The following CHP1 variants were observed in gnomAD, a reference collection of about 807,000 sequenced individuals.
The protein encoded by CHP1 is calcineurin like EF-hand protein 1.
A neutral mutation model predicts 27.4 loss-of-function variants in CHP1; 11 were observed. The ratio of observed to expected loss-of-function variants is 0.40; its 90% confidence interval spans 0.25 to 0.67. The LOEUF is 0.67. Ranked by LOEUF, CHP1 falls within the 30% of genes least tolerant of loss-of-function variation. CHP1 has a pLI of 0.38. For missense variants in CHP1, 169 were observed against 251.3 expected, an observed-to-expected ratio of 0.67 and a Z score of 2.22; for synonymous variants, 89 against 87.4, an observed-to-expected ratio of 1.02 and a Z score of -0.10.
At chr15:41,246,695 C>G (rs2047336715) in intron 2 of CHP1, among the ~76,000 whole-genome samples, 1 of 138,376 alleles carries the variant, frequency 7.2e-6, no homozygotes, top group Non-Finnish European at 1.5e-5. Flanking sequence ...ATATCCTGAC[C>G]TCGTGATGCA....
intron 2 of CHP1, among the ~76,000 whole-genome samples, chr15:41,255,467 G>T (rs952202645): frequency 9.9e-5 from 15 of 152,180 alleles, no homozygotes; most frequent in African/African-American, 3.6e-4. Context: ...GAGGTCAGGA[G>T]TTCAAGACCA....
In CHP1 at chr15:41,262,860, A is replaced by G. The variant is rs1319044596; in HGVS notation, c.326A>G (p.Asn109Ser). 6.2e-7 allele frequency: 1 copy of G among 1,614,084 alleles called. No individual in the cohort carries two copies. Among genetic ancestry groups the G allele is most frequent in the Non-Finnish European group, 8.5e-7 (1 of 1,180,042 alleles). Reference sequence around the variant, plus strand: ...GATGTGAATGGACCCGAACCACTCAACAGCCGAAGCAACAAACTGCACTGT... The same window carrying G: ...GATGTGAATGGACCCGAACCACTCAGCAGCCGAAGCAACAAACTGCACTGT... ...SKDVNGPEPL[N>S]SRSNKLHFAF... Residue 109 changes from asparagine to serine, a missense_variant, in exon 4 of 7, where the codon AAC becomes AGC. Transcript: ENST00000334660.
In CHP1 at chr15:41,279,398, A is replaced by G; in HGVS notation, c.*9A>G. ...TCCGATTTCTTCACTAAAGGAGACC[A>G]AACTGTTCCTTGCGGTCTAGTATTT... On this transcript the variant is annotated 3_prime_UTR_variant, in exon 7 of 7. Transcript: ENST00000334660. 1 of 1,611,380 alleles carries G rather than the reference A, an allele frequency of 6.2e-7. No individual in the cohort carries two copies. The highest frequency in any genetic ancestry group is 8.5e-7 in the Non-Finnish European group (1 of 1,178,698).
chr15:41,278,922 C>T lies in CHP1; in HGVS notation c.534+33C>T, dbSNP rs150007408. 6.8e-6 allele frequency: 11 copies of T among 1,612,266 alleles called. No individual in the cohort carries two copies. In the East Asian group the frequency reaches 1.1e-4, roughly 16 times the overall value. On this transcript the variant is annotated intron_variant, in intron 6 of 6. Coordinates refer to ENST00000334660, the MANE Select transcript of CHP1 (RefSeq NM_007236.5). Reference sequence around the variant, plus strand: ...ACTTACTTCTTGTTTGAAAAAGTTACGTTTTAGTGGCTGGGCGCGGTGGCT... The same window carrying T: ...ACTTACTTCTTGTTTGAAAAAGTTATGTTTTAGTGGCTGGGCGCGGTGGCT...
chr15:41,245,325 G>A lies in CHP1; in HGVS notation c.140+1586G>A, dbSNP rs146815893. 6.4e-3 allele frequency among the ~76,000 whole-genome samples: 959 copies of A among 150,634 alleles called. 5 individuals are homozygous for A. Among genetic ancestry groups the A allele is most frequent in the Middle Eastern group, 0.031 (9 of 294 alleles). Reference sequence around the variant, plus strand: ...AAAATACAAAAATTAGCGTGGCGTGGTGGTGGGCGCCTGTGCGTGGTGGTG... The same window carrying A: ...AAAATACAAAAATTAGCGTGGCGTGATGGTGGGCGCCTGTGCGTGGTGGTG... On this transcript the variant is annotated intron_variant, in intron 2 of 6. Coordinates refer to ENST00000334660, the MANE Select transcript of CHP1 (RefSeq NM_007236.5).
chr15:41,239,443 G>A (rs761962052), intron 1 of CHP1, among the ~76,000 whole-genome samples: 6 of 151,438 alleles, frequency 4.0e-5, no homozygotes, highest in East Asian at 1.9e-4. Context: ...TCACTCTGTC[G>A]CCCAGGCTGG....
At chr15:41,242,296 T>G (rs2047310511) in intron 1 of CHP1, among the ~76,000 whole-genome samples, 1 of 152,172 alleles carries the variant, frequency 6.6e-6, no homozygotes, top group Non-Finnish European at 1.5e-5. Context: ...ATGCTTGGTG[T>G]AGGAGTAAAC....
rs764663720 is a variant in CHP1, at chr15:41,231,464, G to T, written c.67+15G>T. On this transcript the variant is annotated intron_variant, in intron 1 of 6. Transcript: ENST00000334660. ...GGAGACCGGCTGTGAGTTCGGGTTG[G>T]GGGTGGGAACGCCGGGCGCCTCAGG... is the stretch of plus-strand genomic sequence containing the variant. 2 of 1,595,556 alleles carry T rather than the reference G, an allele frequency of 1.3e-6. No individual in the cohort carries two copies. The highest frequency in any genetic ancestry group is 8.5e-7 in the Non-Finnish European group (1 of 1,172,564).
chr15:41,277,304 GACT>G (rs1486574225), intron 5 of CHP1, among the ~76,000 whole-genome samples: 8 of 152,144 alleles, frequency 5.3e-5, no homozygotes, highest in Admixed American at 3.3e-4. Flanking sequence ...TTACTGTTCT[GACT>G]ACTATATGCA....
intron 1 of CHP1, 93 bp downstream of exon 1, chr15:41,231,542 G>A: frequency 7.9e-7 from 1 of 1,261,934 alleles, no homozygotes; most frequent in Non-Finnish European, 1.1e-6. Flanking sequence ...TCGGGTGCCT[G>A]TGAGGTTGGG....
intron 2 of CHP1, among the ~76,000 whole-genome samples, chr15:41,245,923 C>T (rs1268429894): frequency 6.6e-6 from 1 of 151,930 alleles, no homozygotes; most frequent in Admixed American, 6.6e-5. Context: ...CTTGTAAGGG[C>T]TTTATGGTTT....
At chr15:41,238,665 C>T (rs555727151) in intron 1 of CHP1, among the ~76,000 whole-genome samples, 1 of 148,498 alleles carries the variant, frequency 6.7e-6, no homozygotes, top group African/African-American at 2.5e-5. Flanking sequence ...ACGGTGAAAC[C>T]TGGTCTCTAC....
At chr15:41,249,707 TG>T (rs1355112229) in intron 2 of CHP1, among the ~76,000 whole-genome samples, 1 of 151,832 alleles carries the variant, frequency 6.6e-6, no homozygotes, top group African/African-American at 2.4e-5. Flanking sequence ...CTCCTGACCT[TG>T]TGATCCACCT....
chr15:41,278,948 T>TA, intron 6 of CHP1, 59 bp downstream of exon 6: 1 of 1,602,904 alleles, frequency 6.2e-7, no homozygotes, highest in Non-Finnish European at 8.5e-7. Flanking sequence ...CGCGGTGGCT[T>TA]ACGCCTGTAA....
intron 4 of CHP1, among the ~76,000 whole-genome samples, chr15:41,265,389 A>G (rs2047455008): frequency 1.4e-5 from 2 of 146,370 alleles, no homozygotes. Context: ...AAAAAAAAAA[A>G]AAAAAAGGAG....
At chr15:41,263,926 G>T (rs900392866) in intron 4 of CHP1, among the ~76,000 whole-genome samples, 1 of 152,082 alleles carries the variant, frequency 6.6e-6, no homozygotes, top group African/African-American at 2.4e-5. Flanking sequence ...GGATTTGGGC[G>T]TTACATGGTG....
intron 4 of CHP1, among the ~76,000 whole-genome samples, chr15:41,269,596 A>G (rs77709104): frequency 1.3e-5 from 2 of 152,060 alleles, no homozygotes; most frequent in Non-Finnish European, 2.9e-5. Context: ...CATTTTGGAT[A>G]TGTTGTAGTG....
chr15:41,242,237 GA>G (rs1004929459), intron 1 of CHP1, among the ~76,000 whole-genome samples: 1 of 152,178 alleles, frequency 6.6e-6, no homozygotes, highest in Non-Finnish European at 1.5e-5. Context: ...TGCCATCACA[GA>G]AAAGAGGTTG....
intron 4 of CHP1, among the ~76,000 whole-genome samples, chr15:41,266,826 C>T (rs914235026): frequency 6.6e-6 from 1 of 151,968 alleles, no homozygotes; most frequent in Non-Finnish European, 1.5e-5. Context: ...GTGGTGAAAT[C>T]CCATCTCTAC....
Sources: allele counts gnomAD v4.1 joint callset (sites outside exome capture counted in the v4.1 genomes callset), GRCh38; gene constraint gnomAD v4.1.1; transcripts MANE v1.5; gene names NCBI Gene and HGNC (gene_info 2026-07-23, HGNC 2026-07-21).